OXR1: variants seen among roughly 807,000 people sequenced by gnomAD.
OXR1 encodes the protein oxidation resistance 1.
OXR1 carries 41 observed loss-of-function variants against 104.6 expected under a neutral mutation model. The ratio of observed to expected loss-of-function variants is 0.39; its 90% CI spans 0.31 to 0.51. OXR1 has a LOEUF of 0.51. OXR1 is among the 20% of genes least tolerant of loss of function. The pLI is 0.77. For missense variants in OXR1, 955 were observed against 1,031.9 expected (o/e 0.93, Z 1.02); for synonymous variants, 348 against 348.4 (o/e 1.00, Z 0.01).
chr8:106,665,716 A>T (rs1471288372), intron 3 of OXR1, among the ~76,000 whole-genome samples: 1 of 152,212 alleles, frequency 6.6e-6, no homozygotes, highest in Non-Finnish European at 1.5e-5. Flanking sequence ...TAGGAAACTT[A>T]CATTAGGAGA....
intron 1 of OXR1, among the ~76,000 whole-genome samples, chr8:106,294,431 C>T (rs972065335): frequency 2.2e-5 from 3 of 137,256 alleles, no homozygotes; most frequent in South Asian, 2.4e-4. Context: ...AAAGAAATAC[C>T]TGAGACTGGG....
chr8:106,658,736 C>A (rs564956644), intron 3 of OXR1, among the ~76,000 whole-genome samples: 29 of 151,634 alleles, frequency 1.9e-4, no homozygotes, highest in Non-Finnish European at 3.4e-4. Context: ...AACGGCTGCA[C>A]GTTGTCTTGT....
At chr8:106,316,372 A>G (rs2130157003) in intron 1 of OXR1, among the ~76,000 whole-genome samples, 1 of 151,578 alleles carries the variant, frequency 6.6e-6, no homozygotes, top group Non-Finnish European at 1.5e-5. Context: ...CTTGAAGGCT[A>G]CAATCAATCT....
At chr8:106,725,989 A>T in intron 11 of OXR1, 1 of 418,604 alleles carries the variant, frequency 2.4e-6, no homozygotes, top group Non-Finnish European at 4.1e-6. Context: ...ATTTGGGTAC[A>T]GTGCAACCAA....
chr8:106,565,989 A>G (rs553944914), intron 3 of OXR1, among the ~76,000 whole-genome samples: 1 of 152,350 alleles, frequency 6.6e-6, no homozygotes, highest in South Asian at 2.1e-4. Context: ...TGGATTAAAG[A>G]TTTAAATGTC....
chr8:106,724,928 T>C (rs1475324090), intron 11 of OXR1, among the ~76,000 whole-genome samples: 1 of 152,168 alleles, frequency 6.6e-6, no homozygotes, highest in Admixed American at 6.5e-5. Context: ...TTTTAGAAAA[T>C]GTAGCTGGAA....
At chr8:106,408,379 T>C (rs183641549) in intron 2 of OXR1, among the ~76,000 whole-genome samples, 70 of 152,292 alleles carry the variant, frequency 4.6e-4, no homozygotes, top group Admixed American at 5.2e-4. Flanking sequence ...ATGACTTACA[T>C]TGGCATCAGT....
At chr8:106,711,536 T>A (rs1831690830) in intron 10 of OXR1, among the ~76,000 whole-genome samples, 4 of 152,164 alleles carry the variant, frequency 2.6e-5, no homozygotes, top group Admixed American at 2.0e-4. Context: ...TTTACATATC[T>A]GTGTGTGTAT....
intron 3 of OXR1, among the ~76,000 whole-genome samples, chr8:106,644,514 T>C (rs1026676096): frequency 2.6e-5 from 4 of 152,148 alleles, no homozygotes; most frequent in Non-Finnish European, 4.4e-5. Context: ...TTGGGTTGTA[T>C]TGGGAGCAGG....
chr8:106,414,008 G>A (rs981097042), intron 2 of OXR1, among the ~76,000 whole-genome samples: 11 of 152,078 alleles, frequency 7.2e-5, no homozygotes, highest in Admixed American at 5.2e-4. Context: ...GATTACAGAC[G>A]TGAGCCACTG....
chr8:106,442,536 G>A (rs1278285935), intron 2 of OXR1, among the ~76,000 whole-genome samples: 5 of 152,000 alleles, frequency 3.3e-5, no homozygotes, highest in African/African-American at 7.3e-5. Context: ...CTGTGAATCC[G>A]TCTGGTCCTG....
chr8:106,632,469 G>A (rs538525178), intron 3 of OXR1, among the ~76,000 whole-genome samples: 1 of 152,268 alleles, frequency 6.6e-6, no homozygotes, highest in Admixed American at 6.5e-5. Context: ...GCAATTAAAT[G>A]TCTGAAAATC....
At chr8:106,603,500 C>T (rs897877747) in intron 3 of OXR1, among the ~76,000 whole-genome samples, 1 of 152,056 alleles carries the variant, frequency 6.6e-6, no homozygotes, top group Non-Finnish European at 1.5e-5. Flanking sequence ...GTAAAACCTC[C>T]ACAACGTATT....
chr8:106,475,489 G>A (rs1429580188), intron 2 of OXR1, among the ~76,000 whole-genome samples: 1 of 151,792 alleles, frequency 6.6e-6, no homozygotes, highest in African/African-American at 2.4e-5. Flanking sequence ...GAGGTGGAAG[G>A]GGAGGCAGGA....
chr8:106,475,317 G>A lies in OXR1; in HGVS notation c.24-43626G>A, dbSNP rs144232810. Among the ~76,000 whole-genome samples, 395 of 151,926 alleles carry A rather than the reference G, an allele frequency of 2.6e-3. 4 individuals are homozygous for A. Among genetic ancestry groups the A allele is most frequent in the African/African-American group, 8.7e-3 (362 of 41,502 alleles). ...AGCTAAATGAAAGAAAAATGTTTAC[G>A]AATATCTAAAAAAGAGAAAATATAT... is the stretch of plus-strand genomic sequence containing the variant. On this transcript the variant is annotated intron_variant, in intron 2 of 16. Coordinates refer to ENST00000517566, the MANE Select transcript of OXR1 (RefSeq NM_001198533.2).
intron 3 of OXR1, among the ~76,000 whole-genome samples, chr8:106,675,331 T>C (rs1046504587): frequency 1.3e-5 from 2 of 152,154 alleles, no homozygotes; most frequent in African/African-American, 2.4e-5. Context: ...GATATGTAAA[T>C]ACATGTGTGT....
intron 1 of OXR1, among the ~76,000 whole-genome samples, chr8:106,351,702 AG>A (rs1815732790): frequency 6.6e-6 from 1 of 152,198 alleles, no homozygotes; most frequent in African/African-American, 2.4e-5. Flanking sequence ...CTTTACTGCG[AG>A]GGCAATATAG....
intron 3 of OXR1, among the ~76,000 whole-genome samples, chr8:106,660,742 G>T (rs1330776681): frequency 6.6e-6 from 1 of 152,194 alleles, no homozygotes; most frequent in East Asian, 1.9e-4. Flanking sequence ...GCCAGTTGCG[G>T]TGGCTCACGT....
intron 1 of OXR1, among the ~76,000 whole-genome samples, chr8:106,348,176 A>G (rs1815573843): frequency 6.6e-6 from 1 of 152,176 alleles, no homozygotes; most frequent in Non-Finnish European, 1.5e-5. Context: ...GAAACCAGGT[A>G]CATGTTGCCA....
Sources: gnomAD v4.1 joint callset for allele counts (sites outside exome capture counted in the v4.1 genomes callset) on GRCh38, gnomAD v4.1.1 for gene constraint, MANE v1.5 for transcripts, NCBI Gene and HGNC (gene_info 2026-07-23, HGNC 2026-07-21) for gene names.